The following TMEM116 variants were observed in gnomAD, a reference collection of about 807,000 sequenced individuals.
The protein encoded by TMEM116 is transmembrane protein 116.
A neutral mutation model predicts 44.3 loss-of-function variants in TMEM116; 38 were observed. The ratio of observed to expected loss-of-function variants is 0.86; its 90% CI spans 0.66 to 1.12. TMEM116 has a LOEUF of 1.12. Among genes scored for constraint, TMEM116 ranks in the 50% most tolerant of loss-of-function variants. The pLI, the probability that TMEM116 is intolerant of heterozygous loss-of-function variation, is 0.00. For synonymous variants in TMEM116, 132 were observed against 144.8 expected (o/e 0.91, Z 0.64); for missense variants, 354 against 401.7 (o/e 0.88, Z 1.01).
chr12:112,006,027 G>A (rs1012956144), intron 1 of TMEM116: 1 of 981,526 alleles, frequency 1.0e-6, no homozygotes, highest in African/African-American at 1.7e-5. Flanking sequence ...CCCTTGAGCA[G>A]CCGATCCTTC....
chr12:111,932,976 C>A (rs896101155), intron 9 of TMEM116, among the ~76,000 whole-genome samples: 1 of 152,200 alleles, frequency 6.6e-6, no homozygotes, highest in East Asian at 1.9e-4. Flanking sequence ...CGCAGTGGCT[C>A]ATGCCTACAA....
intron 3 of TMEM116, among the ~76,000 whole-genome samples, chr12:111,998,807 C>T (rs958554594): frequency 1.3e-5 from 2 of 151,678 alleles, no homozygotes; most frequent in South Asian, 2.1e-4. Context: ...AATGACAAAG[C>T]GAGACTCTCA....
chr12:111,996,065 T>G (rs1185281349), intron 3 of TMEM116, among the ~76,000 whole-genome samples: 1 of 147,094 alleles, frequency 6.8e-6, no homozygotes, highest in Non-Finnish European at 1.5e-5. Context: ...AAAAAAAATC[T>G]ATTCCAAGTA....
At chr12:111,989,468 A>G (rs764921197) in intron 4 of TMEM116, among the ~76,000 whole-genome samples, 1 of 152,224 alleles carries the variant, frequency 6.6e-6, no homozygotes, top group Non-Finnish European at 1.5e-5. Flanking sequence ...AGCGTAGCCA[A>G]GGCTTATAGA....
At chr12:111,986,372 A>T (rs2136571395) in intron 4 of TMEM116, among the ~76,000 whole-genome samples, 1 of 152,202 alleles carries the variant, frequency 6.6e-6, no homozygotes, top group African/African-American at 2.4e-5. Flanking sequence ...AAGAAAAAAG[A>T]ATAAAAAGTT....
At chr12:111,941,264 T>G (rs530134236) in intron 5 of TMEM116, among the ~76,000 whole-genome samples, 2 of 151,664 alleles carry the variant, frequency 1.3e-5, no homozygotes, top group African/African-American at 4.8e-5. Context: ...TAATCCTAGC[T>G]ACTTGGGGGG....
At chr12:111,932,540 G>A in intron 10 of TMEM116, 46 bp downstream of exon 10, 1 of 1,500,862 alleles carries the variant, frequency 6.7e-7, no homozygotes. Flanking sequence ...AAGAAAATAG[G>A]ATAAGCGGGT....
chr12:111,959,961 G>A (rs2074452601), intron 4 of TMEM116, among the ~76,000 whole-genome samples: 2 of 152,210 alleles, frequency 1.3e-5, no homozygotes, highest in South Asian at 4.2e-4. Flanking sequence ...AATTAACAAG[G>A]ATATTCAGGA....
intron 3 of TMEM116, chr12:111,993,905 G>A: frequency 1.4e-6 from 1 of 717,352 alleles, no homozygotes. Flanking sequence ...GGATTTAAAG[G>A]TGTATGGAAG....
chr12:111,956,520 C>A (rs548324106), intron 4 of TMEM116, among the ~76,000 whole-genome samples: 1 of 152,276 alleles, frequency 6.6e-6, no homozygotes, highest in South Asian at 2.1e-4. Context: ...CTCCCCTTTG[C>A]ATGGTCCTCG....
At chr12:111,974,040 C>T (rs1238208038) in intron 4 of TMEM116, among the ~76,000 whole-genome samples, 2 of 151,908 alleles carry the variant, frequency 1.3e-5, no homozygotes, top group Non-Finnish European at 1.5e-5. Flanking sequence ...CAATTTAAAT[C>T]ATCCTATTAA....
intron 4 of TMEM116, among the ~76,000 whole-genome samples, chr12:111,983,407 AC>A (rs2076056587): frequency 6.6e-6 from 1 of 151,462 alleles, no homozygotes; most frequent in Non-Finnish European, 1.5e-5. Flanking sequence ...ATGCCACTGC[AC>A]TCCAGCCTGG....
rs56401064 is a variant in TMEM116, at chr12:112,005,129, T to C, written c.14+128A>G. The C allele has an allele frequency of 6.1e-5, 35 of 570,870 alleles. No homozygotes were observed. In the Admixed American group the frequency reaches 1.1e-3, roughly 17 times the overall value. The allele number at this position is 570,870 out of a possible 1,614,324, so 35.4% of individuals were successfully genotyped here. A position where few individuals can be genotyped will look rare whatever the true frequency, so the allele number is the denominator to read the frequency against. On this transcript the variant is annotated intron_variant, in intron 2 of 10. Transcript: ENST00000552374. Reference sequence around the variant, plus strand: ...CTTTATTAGTAAGAAAATATCAAGATGATAAAGAATATCATTTCTCTTTAA... The same window carrying C: ...CTTTATTAGTAAGAAAATATCAAGACGATAAAGAATATCATTTCTCTTTAA...
chr12:111,987,942 T>C (rs4767264), intron 4 of TMEM116, among the ~76,000 whole-genome samples: 54,038 of 152,080 alleles, frequency 0.36, 14,092 homozygotes, highest in East Asian at 0.85. Context: ...GACAGACAAA[T>C]GGATAAACCA....
intron 4 of TMEM116, among the ~76,000 whole-genome samples, chr12:111,988,086 T>A (rs2076325885): frequency 6.6e-6 from 1 of 152,120 alleles, no homozygotes; most frequent in South Asian, 2.1e-4. Context: ...AGGACAAATA[T>A]TATATGATTC....
intron 4 of TMEM116, among the ~76,000 whole-genome samples, chr12:111,971,521 T>C (rs1178761439): frequency 6.6e-6 from 1 of 151,334 alleles, no homozygotes; most frequent in Non-Finnish European, 1.5e-5. Flanking sequence ...ACTAAAAAAT[T>C]TTAGTTAATA....
At position 111,953,564 on chromosome 12, in the gene TMEM116, T is replaced by C. The variant is rs189742663; in HGVS notation, c.211-10195A>G. 4.2e-4 allele frequency among the ~76,000 whole-genome samples: 64 copies of C among 152,286 alleles called. 1 individual carries two copies. The highest frequency in any genetic ancestry group is 4.1e-3 in the Admixed American group (63 of 15,296). ...CCTGCAAAAATCACAACATTGCACA[T>C]AGGCCACTTCAACCTTACACACACA... On this transcript the variant is annotated intron_variant, in intron 4 of 10. Transcript: ENST00000552374.
intron 4 of TMEM116, among the ~76,000 whole-genome samples, chr12:111,954,657 A>T (rs572096537): frequency 6.6e-6 from 1 of 152,364 alleles, no homozygotes; most frequent in South Asian, 2.1e-4. Context: ...GATCGACTGC[A>T]AACTACAGCT....
intron 4 of TMEM116, among the ~76,000 whole-genome samples, chr12:111,958,097 C>A (rs1488567185): frequency 6.6e-6 from 1 of 151,634 alleles, no homozygotes; most frequent in African/African-American, 2.4e-5. Flanking sequence ...AGAGTCATCA[C>A]CACTCCCTAA....
Sources: gnomAD v4.1 joint callset for allele counts (sites outside exome capture counted in the v4.1 genomes callset) on GRCh38, gnomAD v4.1.1 for gene constraint, MANE v1.5 for transcripts, NCBI Gene and HGNC (gene_info 2026-07-23, HGNC 2026-07-21) for gene names.